Variants in FAT3 observed in about 807,000 individuals in gnomAD.
FAT3 encodes protocadherin Fat 3.
Under a neutral mutation model 310.2 loss-of-function variants are expected in FAT3, and 95 were observed. The observed-to-expected ratio is 0.31, with a 90% confidence interval of 0.26 to 0.36. The LOEUF (loss-of-function observed/expected upper bound fraction) is 0.36, where lower values mean the gene tolerates loss of function less well. Ranked by LOEUF, FAT3 falls within the 10% of genes least tolerant of loss-of-function variation. The pLI is 1.00. For missense variants in FAT3, 5,408 were observed against 5,715.6 expected (o/e 0.95, Z 1.74); for synonymous variants, 2,314 against 2,192.9 (o/e 1.06, Z -1.54).
chr11:92,456,872 G>A (rs1379118565), intron 2 of FAT3, among the ~76,000 whole-genome samples: 1 of 152,150 alleles, frequency 6.6e-6, no homozygotes, highest in African/African-American at 2.4e-5. Flanking sequence ...ATGGTGAACA[G>A]CGCTAGGATG....
At chr11:92,490,196 T>A (rs144209478) in intron 2 of FAT3, among the ~76,000 whole-genome samples, 2 of 152,198 alleles carry the variant, frequency 1.3e-5, no homozygotes, top group African/African-American at 4.8e-5. Context: ...TGCTGGCTTA[T>A]ATGCAGCTAA....
intron 1 of FAT3, among the ~76,000 whole-genome samples, chr11:92,232,694 CATT>C (rs1036182059): frequency 9.1e-6 from 1 of 110,388 alleles, no homozygotes; most frequent in African/African-American, 3.5e-5. Flanking sequence ...TTGCTTCTCT[CATT>C]GATGATTATT....
At chr11:92,657,641 C>T (rs1942630395) in intron 3 of FAT3, among the ~76,000 whole-genome samples, 1 of 152,138 alleles carries the variant, frequency 6.6e-6, no homozygotes, top group Admixed American at 6.5e-5. Context: ...GTCATTTGAA[C>T]AACTAGGAAT....
intron 3 of FAT3, among the ~76,000 whole-genome samples, chr11:92,647,987 T>C (rs1373817586): frequency 6.6e-6 from 1 of 152,148 alleles, no homozygotes; most frequent in Non-Finnish European, 1.5e-5. Context: ...TTTCAGTAGG[T>C]TGATTTCATC....
intron 3 of FAT3, among the ~76,000 whole-genome samples, chr11:92,645,998 G>C (rs192808850): frequency 2.8e-3 from 426 of 152,280 alleles, no homozygotes; most frequent in African/African-American, 0.01. Flanking sequence ...AATAGCCTCT[G>C]GATGCTTATG....
chr11:92,703,520 A>T (rs954222746), intron 4 of FAT3, among the ~76,000 whole-genome samples: 1 of 152,208 alleles, frequency 6.6e-6, no homozygotes, highest in Non-Finnish European at 1.5e-5. Context: ...TCAGCGTCAG[A>T]AGGAGAGTTG....
rs1340163473 is a variant in FAT3 at position 92,844,615 on chromosome 11, G to A, written c.11248G>A (p.Glu3750Lys). 1.2e-6 allele frequency: 2 copies of A among 1,613,328 alleles called. No homozygotes were observed. The highest frequency in any genetic ancestry group is 4.5e-5 in the East Asian group (2 of 44,870). The change falls in exon 19 of 28, where the codon GAA (glutamate) becomes AAA (lysine). Residue 3750 changes from glutamate to lysine, a missense_variant. This residue lies in a region of FAT3 where 4,588 missense variants were observed against 4,809.8 expected (regional missense o/e 0.95). Transcript: ENST00000525166. ...EKNCSGLDCQ[E>K]QHCEQGLSLD... Reference sequence around the variant, plus strand: ...GAACTGCTCAGGGCTGGACTGTCAGGAACAGCATTGTGAGCAAGGCTTGTC... The same window carrying A: ...GAACTGCTCAGGGCTGGACTGTCAGAAACAGCATTGTGAGCAAGGCTTGTC...
At chr11:92,813,601 T>G (rs1947741711) in intron 13 of FAT3, among the ~76,000 whole-genome samples, 1 of 152,198 alleles carries the variant, frequency 6.6e-6, no homozygotes, top group South Asian at 2.1e-4. Flanking sequence ...CCCTAACCCC[T>G]GACAACCACT....
At chr11:92,701,330 T>C (rs1214122406) in intron 4 of FAT3, among the ~76,000 whole-genome samples, 2 of 152,224 alleles carry the variant, frequency 1.3e-5, no homozygotes. Context: ...ATCTATACAT[T>C]GGTTTAAGAT....
intron 3 of FAT3, among the ~76,000 whole-genome samples, chr11:92,575,256 A>G (rs1938418831): frequency 6.6e-6 from 1 of 152,156 alleles, no homozygotes; most frequent in Admixed American, 6.6e-5. Context: ...CTAAAGATAC[A>G]CAATCAATAC....
chr11:92,353,086 A>T lies in FAT3; in HGVS notation c.974A>T (p.Lys325Met). 6.2e-7 allele frequency: 1 copy of T among 1,613,670 alleles called. No homozygotes were observed. The highest frequency in any genetic ancestry group is 8.5e-7 in the Non-Finnish European group (1 of 1,179,860). Residue 325 changes from lysine to methionine, a missense_variant, in exon 2 of 28, where the codon AAG becomes ATG. Physicochemically the swap from Lys to Met is moderately conservative, Grantham distance 95. Transcript: ENST00000525166. ...GAAGGAAAGTGGTTGAATGAGTACA[A>T]GATTAAGGAGAGGAAGCAGATTGAC... ...AKEGKWLNEY[K>M]IKERKQIDWE...
chr11:92,883,117 G>C lies in FAT3; in HGVS notation c.12661G>C (p.Val4221Leu), dbSNP rs749339528. ...GCGCGGCAGTGGGGACGGCCGCAACGTCTACCAGGAGGTGGGGCCCCCGCA... is the reference window on the plus strand; with the variant it reads ...GCGCGGCAGTGGGGACGGCCGCAACCTCTACCAGGAGGTGGGGCCCCCGCA... Reference protein sequence around the residue: ...NLRGSGDGRNVYQEVGPPQVP... With the variant: ...NLRGSGDGRNLYQEVGPPQVP... The change falls in exon 24 of 28, where the codon GTC (valine) becomes CTC (leucine). Residue 4221 changes from valine (V) to leucine (L), a missense_variant. By Grantham distance (32) the Val-to-Leu change is conservative (BLOSUM62 1). Around this residue, in one of 5 missense-constraint regions of FAT3, gnomAD observed 649 missense variants for 666.2 expected, o/e 0.97. Coordinates refer to ENST00000525166, the MANE Select transcript of FAT3 (RefSeq NM_001367949.2). This position sits in a 1 kb window ranked among gnomAD's most constrained non-coding sequence, Gnocchi z 4.2. 1 of 1,613,802 alleles carries C rather than the reference G, an allele frequency of 6.2e-7. No individual in the cohort carries two copies. The highest frequency in any genetic ancestry group is 8.5e-7 in the Non-Finnish European group (1 of 1,179,896).
At chr11:92,338,502 G>T (rs192841824) in intron 1 of FAT3, among the ~76,000 whole-genome samples, 1 of 152,056 alleles carries the variant, frequency 6.6e-6, no homozygotes, top group African/African-American at 2.4e-5. Flanking sequence ...CCGCTGCCTC[G>T]TAAACCATGC....
In FAT3 at chr11:92,431,309, C is replaced by G. The variant is rs950805734; in HGVS notation, c.3292+75905C>G. Reference sequence around the variant, plus strand: ...TGTCTTTTGGCTGCATAAATGTCTTCTTTTGAGAAGTGTCTGTTCATATCC... The same window carrying G: ...TGTCTTTTGGCTGCATAAATGTCTTGTTTTGAGAAGTGTCTGTTCATATCC... On this transcript the variant is annotated intron_variant, in intron 2 of 27. Transcript: ENST00000525166. Among the ~76,000 whole-genome samples the G allele has an allele frequency of 2.2e-3, 338 of 152,206 alleles. 3 individuals are homozygous for G. The highest frequency in any genetic ancestry group is 7.8e-3 in the African/African-American group (325 of 41,534).
intron 22 of FAT3, 79 bp downstream of exon 22, chr11:92,867,288 C>T: frequency 7.3e-7 from 1 of 1,363,292 alleles, no homozygotes; most frequent in Non-Finnish European, 9.8e-7. Context: ...TCCCTGCCCT[C>T]CCAACGCAAG....
chr11:92,488,450 G>GCCCCCCCCCCCCCCCCCCCCCCCCCCCC (rs796106709), intron 2 of FAT3, among the ~76,000 whole-genome samples: 3 of 9,334 alleles, frequency 3.2e-4, no homozygotes, highest in Non-Finnish European at 6.4e-4. Context: ...AACTAGCACC[G>GCCCCCCCCCCCCCCCCCCCCCCCCCCCC]CCCCCCCCCC....
At chr11:92,651,979 C>T (rs923417543) in intron 3 of FAT3, among the ~76,000 whole-genome samples, 6 of 152,202 alleles carry the variant, frequency 3.9e-5, no homozygotes, top group East Asian at 3.8e-4. Flanking sequence ...ATCTTTTCCT[C>T]TGGGTGTAAA....
chr11:92,226,361 G>A (rs534804030), intron 1 of FAT3, among the ~76,000 whole-genome samples: 1 of 151,256 alleles, frequency 6.6e-6, no homozygotes, highest in Non-Finnish European at 1.5e-5. Flanking sequence ...GGGCTTTGCG[G>A]AAAGCAACTT....
At chr11:92,781,073 TTC>T (rs1946738839) in intron 7 of FAT3, among the ~76,000 whole-genome samples, 1 of 119,566 alleles carries the variant, frequency 8.4e-6, no homozygotes, top group East Asian at 2.7e-4. Context: ...CTTTTCTTTA[TTC>T]TTTTTTTTTT....
Sources: allele counts gnomAD v4.1 joint callset (sites outside exome capture counted in the v4.1 genomes callset), GRCh38; gene constraint gnomAD v4.1.1; regional missense constraint gnomAD v4.1.1; non-coding constraint Gnocchi (gnomAD v3.1); transcripts MANE v1.5; gene names NCBI Gene and HGNC (gene_info 2026-07-23, HGNC 2026-07-21).